TTN: variants seen among roughly 807,000 people sequenced by gnomAD.
TTN encodes the protein titin, also known as connectin.
A neutral mutation model predicts 3,223.0 loss-of-function variants in TTN; 1,525 were observed. The observed-to-expected ratio is 0.47, with a 90% CI of 0.45 to 0.49. The LOEUF (loss-of-function observed/expected upper bound fraction) is 0.49. Ranked by LOEUF, TTN falls within the 20% of genes least tolerant of loss-of-function variation. TTN has a pLI of 0.00. For synonymous variants in TTN, 14,094 were observed against 15,161.0 expected (o/e 0.93, Z 5.17); for missense variants, 40,786 against 43,424.0 (o/e 0.94, Z 5.40).
At position 178,722,517 on chromosome 2, in the gene TTN, G is replaced by T; in HGVS notation, c.22270C>A (p.Gln7424Lys). The T allele has an allele frequency of 6.2e-7, 1 of 1,612,464 alleles. No homozygotes were observed. The highest frequency in any genetic ancestry group is 8.5e-7 in the Non-Finnish European group (1 of 1,178,994). Reference sequence around the variant, plus strand: ...ACAGTTTGTTCAATGTCCTTTAATTGTCTTGCAAAAGAAGGTGGGAGTTGG... The same window carrying T: ...ACAGTTTGTTCAATGTCCTTTAATTTTCTTGCAAAAGAAGGTGGGAGTTGG... ...ERQLPPSFAR[Q>K]LKDIEQTVGL... The change falls in exon 77 of 363, where the codon CAA (glutamine) becomes AAA (lysine). Residue 7424 changes from glutamine to lysine, a missense_variant. Physicochemically the swap from Gln to Lys is moderately conservative, Grantham distance 53 (BLOSUM62 1). Coordinates refer to ENST00000589042, the MANE Select transcript of TTN (RefSeq NM_001267550.2).
intron 236 of TTN, 28 bp downstream of exon 236, chr2:178,632,119 G>T (rs775853568): frequency 6.5e-7 from 1 of 1,540,772 alleles, no homozygotes. Flanking sequence ...ATTTAATGCA[G>T]TAAAATTAAA....
rs2066746674 is a variant in TTN, at chr2:178,670,274, A to AT, written c.35329dup (p.Ile11777AsnfsTer11). Reference sequence around the variant, plus strand: ...AACACGTACTTTTTCTTCTACCACAATTTTCTTAGGCACCTCCGGTACTTT... The same window carrying AT: ...AACACGTACTTTTTCTTCTACCACAATTTTTCTTAGGCACCTCCGGTACTTT... On this transcript the variant is annotated frameshift_variant, in exon 157 of 363. Transcript: ENST00000589042. LOFTEE classifies it high-confidence loss of function. The AT allele has an allele frequency of 6.7e-7, 1 of 1,490,852 alleles. No homozygotes were observed. The allele number at this position is 1,490,852 out of a possible 1,614,324, so 92.4% of individuals were successfully genotyped here. A position where few individuals can be genotyped will look rare whatever the true frequency, so the allele number is the denominator to read the frequency against.
At chr2:178,622,540 A>G (rs1327702215) in intron 243 of TTN, 130 bp downstream of exon 243, 48 of 678,622 alleles carry the variant, frequency 7.1e-5, no homozygotes, top group Non-Finnish European at 1.1e-4. Context: ...ATTTTATACT[A>G]CAATTATCTT....
At position 178,569,083 on chromosome 2, in the gene TTN, A is replaced by G; in HGVS notation, c.77049T>C (p.Ile25683=). ...GATCAGCAGTCTGGGCAGGAAGGCC[A>G]ATACCATACTCATTCTCAGCTGTGA... ...FRVTAENEYG[I]GLPAQTADPI... The change falls in exon 326 of 363, where the codon ATT becomes ATC. Residue 25683 remains isoleucine, a synonymous_variant. Coordinates refer to ENST00000589042, the MANE Select transcript of TTN (RefSeq NM_001267550.2). The G allele has an allele frequency of 6.2e-7, 1 of 1,613,436 alleles. No individual in the cohort carries two copies. The highest frequency in any genetic ancestry group is 2.2e-5 in the East Asian group (1 of 44,822).
rs560897705 is a variant in TTN at position 178,719,307 on chromosome 2, C to G, written c.24083G>C (p.Gly8028Ala). The G allele has an allele frequency of 6.2e-6, 10 of 1,613,552 alleles. No homozygotes were observed. Among genetic ancestry groups the G allele is most frequent in the Non-Finnish European group, 8.5e-6 (10 of 1,179,740 alleles). Residue 8028 changes from glycine (G) to alanine (A), a missense_variant, in exon 83 of 363, where the codon GGG becomes GCG. Physicochemically the swap from Gly to Ala is moderately conservative, Grantham distance 60. Coordinates refer to ENST00000589042, the MANE Select transcript of TTN (RefSeq NM_001267550.2). ...CGAAAAGCTGGACTGACATTTGGGC[C>G]CACTAACAATCTCATTTCCATCCTG... ...WFQDGNEIVS[G>A]PKCQSSFSEN... is the part of the protein sequence containing the mutation.
In TTN at chr2:178,654,206, A is replaced by C. The variant is rs1577010474; in HGVS notation, c.38380+2T>G. ...TCTTAGCAGAGGAGAGGGAATAAAT[A>C]CCTTTTGCACGTGGGGCTTCCGGTT... On this transcript the variant is annotated splice_donor_variant, in intron 193 of 362. Coordinates refer to ENST00000589042, the MANE Select transcript of TTN (RefSeq NM_001267550.2). LOFTEE classifies it high-confidence loss of function. 1 of 1,595,078 alleles carries C rather than the reference A, an allele frequency of 6.3e-7. No individual in the cohort carries two copies. Among genetic ancestry groups the C allele is most frequent in the East Asian group, 2.2e-5 (1 of 44,796 alleles).
chr2:178,667,146 G>A (rs1256456700), intron 162 of TTN, 90 bp downstream of exon 162: 3 of 1,162,888 alleles, frequency 2.6e-6, no homozygotes, highest in Non-Finnish European at 3.7e-6. Flanking sequence ...AACATTAGAG[G>A]TTGTGAGAAT....
chr2:178,696,624 A>G (rs2073775167), intron 113 of TTN, among the ~76,000 whole-genome samples: 1 of 152,054 alleles, frequency 6.6e-6, no homozygotes, highest in Non-Finnish European at 1.5e-5. Flanking sequence ...TATATTTCAT[A>G]TTTATACAGT....
rs780415755 is a variant in TTN at position 178,621,133 on chromosome 2, G to A, written c.45585C>T (p.Ala15195=). 5 of 1,612,286 alleles carry A rather than the reference G, an allele frequency of 3.1e-6. No individual in the cohort carries two copies. The highest frequency in any genetic ancestry group is 2.2e-5 in the South Asian group (2 of 91,004). ...CTGTCAAGTGAGCTGCTGCTCTGGC[G>A]GCCCCTACCATGACAACGTAAGTGC... ...DMGTYVVMVG[A]ARAAAHLTVI... is the part of the protein sequence containing the mutation. The change falls in exon 246 of 363, where the codon GCC becomes GCT. Residue 15195 remains alanine, a synonymous_variant. Transcript: ENST00000589042.
At position 178,776,079 on chromosome 2, in the gene TTN, T is replaced by A. The variant is rs748917796; in HGVS notation, c.5785A>T (p.Ile1929Phe). Reference protein sequence around the residue: ...GVIEHKVKLEIQQREDFRSVL... With the variant: ...GVIEHKVKLEFQQREDFRSVL... ...GACCTAAAATCTTCCCTCTGTTGAA[T>A]CTCAAGCTTCACTTTATGCTCTATC... The change falls in exon 28 of 363, where the codon ATT becomes TTT. Residue 1929 changes from isoleucine to phenylalanine, a missense_variant. Coordinates refer to ENST00000589042, the MANE Select transcript of TTN (RefSeq NM_001267550.2). 14 of 1,614,182 alleles carry A rather than the reference T, an allele frequency of 8.7e-6. No homozygotes were observed. The highest frequency in any genetic ancestry group is 5.0e-5 in the Admixed American group (3 of 60,028).
At chr2:178,683,744 GAA>G (rs1055366971) in intron 133 of TTN, among the ~76,000 whole-genome samples, 45 of 151,942 alleles carry the variant, frequency 3.0e-4, no homozygotes, top group Non-Finnish European at 1.3e-4. Flanking sequence ...TTAGTATATG[GAA>G]AAGACATTAG....
intron 313 of TTN, 66 bp from the exon 314 acceptor site, chr2:178,582,658 G>T (rs1278892987): frequency 7.0e-7 from 1 of 1,429,040 alleles, no homozygotes; most frequent in African/African-American, 1.4e-5. Flanking sequence ...GAGGTCTGGA[G>T]ACCTGGGCTG....
chr2:178,789,400 A>G lies in TTN; in HGVS notation c.2036T>C (p.Met679Thr), dbSNP rs763096745. ...TTGGATTTGTTCTTGTCTAGTAGCC[A>G]TAGTTTCTCTAGTTCTCAGTATTGT... ...QETILRTRETMATRQEQIQVT... is the reference protein window; with the variant it reads ...QETILRTRETTATRQEQIQVT... The change falls in exon 13 of 363, where the codon ATG becomes ACG. Residue 679 changes from methionine to threonine, a missense_variant. By Grantham distance (81) the Met-to-Thr change is moderately conservative (BLOSUM62 -1). Transcript: ENST00000589042. 6.2e-7 allele frequency: 1 copy of G among 1,613,506 alleles called. No individual in the cohort carries two copies. Among genetic ancestry groups the G allele is most frequent in the East Asian group, 2.2e-5 (1 of 44,824 alleles).
At chr2:178,679,488 T>C (rs2154269728) in intron 141 of TTN, 72 bp from the exon 142 acceptor site, 1 of 1,590,044 alleles carries the variant, frequency 6.3e-7, no homozygotes, top group Non-Finnish European at 8.6e-7. Flanking sequence ...ACAGCTAATG[T>C]TTTTTAACAA....
intron 326 of TTN, 72 bp from the exon 327 acceptor site, chr2:178,558,709 T>C: frequency 6.9e-7 from 1 of 1,456,818 alleles, no homozygotes; most frequent in East Asian, 2.4e-5. Context: ...CTTCATGTAT[T>C]GTCAAAAGAA....
Position 178,682,757 on chromosome 2 carries a change from A to G in TTN, c.33034T>C (p.Tyr11012His). ...EYEPTEEYDQ[Y>H]EEYEEREYER... is the part of the protein sequence containing the mutation. ...TACTCCCGCTCCTCGTATTCTTCAT[A>G]TTGGTCATATTCTTCTGTTGGTTCA... Residue 11012 changes from tyrosine (Y) to histidine (H), a missense_variant, in exon 135 of 363, where the codon TAT becomes CAT. Coordinates refer to ENST00000589042, the MANE Select transcript of TTN (RefSeq NM_001267550.2). 6.2e-7 allele frequency: 1 copy of G among 1,613,044 alleles called. No homozygotes were observed. The highest frequency in any genetic ancestry group is 8.5e-7 in the Non-Finnish European group (1 of 1,179,274).
chr2:178,534,262 C>T lies in TTN; in HGVS notation c.102353G>A (p.Arg34118Gln), dbSNP rs551905996. ...AARISCGGAI[R>Q]SQKGVSVAKV... Reference sequence around the variant, plus strand: ...AGCAACACTCACTCCCTTCTGAGATCGAATTGCACCACCACAGGAGATCCG... The same window carrying T: ...AGCAACACTCACTCCCTTCTGAGATTGAATTGCACCACCACAGGAGATCCG... The change falls in exon 358 of 363, where the codon CGA (arginine) becomes CAA (glutamine). Residue 34118 changes from arginine to glutamine, a missense_variant. Physicochemically the swap from Arg to Gln is conservative, Grantham distance 43 (BLOSUM62 1). Transcript: ENST00000589042. 3.8e-5 allele frequency: 61 copies of T among 1,613,944 alleles called. No individual in the cohort carries two copies. The highest frequency in any genetic ancestry group is 2.3e-4 in the African/African-American group (17 of 75,036).
At chr2:178,751,962 G>C in intron 47 of TTN, 1 of 1,588,086 alleles carries the variant, frequency 6.3e-7, no homozygotes, top group Non-Finnish European at 8.5e-7. Context: ...ATGGATTTGT[G>C]GTCTATGTCT....
In TTN at chr2:178,777,930, A is replaced by G. The variant is rs764984200; in HGVS notation, c.4254T>C (p.Ser1418=). ...TCCTTGCAGGTGACATCCGTGCAGG[A>G]GACATGCGTATAGGAGACCTGCTCA... ...RSVSRSPIRM[S]PARMSPARMS... Residue 1418 remains serine (S), a synonymous_variant, in exon 25 of 363, where the codon TCT becomes TCC. Transcript: ENST00000589042. 2 of 1,613,994 alleles carry G rather than the reference A, an allele frequency of 1.2e-6. No homozygotes were observed. The highest frequency in any genetic ancestry group is 1.1e-5 in the South Asian group (1 of 91,086).
Sources: allele counts gnomAD v4.1 joint callset (sites outside exome capture counted in the v4.1 genomes callset), GRCh38; gene constraint gnomAD v4.1.1; transcripts MANE v1.5; gene names NCBI Gene and HGNC (gene_info 2026-07-23, HGNC 2026-07-21).